Variants in RBM20 observed in about 807,000 individuals in gnomAD.
The protein encoded by RBM20 is RNA binding motif protein 20.
Under a neutral mutation model 110.1 loss-of-function variants are expected in RBM20, and 51 were observed. The observed-to-expected ratio is 0.46, with a 90% CI of 0.37 to 0.59. RBM20 has a LOEUF of 0.59. RBM20 is among the 20% of genes least tolerant of loss of function. The pLI is 0.00. For synonymous variants in RBM20, 589 were observed against 618.2 expected, an observed-to-expected ratio of 0.95 and a Z score of 0.70; for missense variants, 1,512 against 1,574.9, an observed-to-expected ratio of 0.96 and a Z score of 0.68.
At position 110,646,871 on chromosome 10, in the gene RBM20, A is replaced by C. The variant is rs927808511; in HGVS notation, c.191+2226A>C. Among the ~76,000 whole-genome samples the C allele has an allele frequency of 8.5e-5, 13 of 152,308 alleles. 1 individual carries two copies. In the South Asian group the frequency reaches 1.2e-3, roughly 15 times the overall value. On this transcript the variant is annotated intron_variant, in intron 1 of 13. Coordinates refer to ENST00000369519, the MANE Select transcript of RBM20 (RefSeq NM_001134363.3). ...AGTTGTCTGCCTGTTGATTTGGGGA[A>C]TTTTGTGAGCTACAGCTTTGGATGA...
chr10:110,681,466 T>G (rs779581124), intron 1 of RBM20, among the ~76,000 whole-genome samples: 11 of 152,220 alleles, frequency 7.2e-5, no homozygotes, highest in Non-Finnish European at 1.5e-4. Flanking sequence ...TGCTCTCTGC[T>G]AATCTTTTCT....
chr10:110,747,828 A>G (rs1272506950), intron 1 of RBM20, among the ~76,000 whole-genome samples: 1 of 132,750 alleles, frequency 7.5e-6, no homozygotes, highest in Non-Finnish European at 1.6e-5. Context: ...GAAAGAGAAA[A>G]CTTTTTAGAA....
intron 4 of RBM20, 99 bp from the exon 5 acceptor site, chr10:110,784,693 A>AG: frequency 1.2e-6 from 1 of 809,156 alleles, no homozygotes; most frequent in Non-Finnish European, 2.1e-6. Flanking sequence ...TAATATGTGA[A>AG]GGGGAAAGGT....
At chr10:110,823,219 C>G (rs1429683364) in intron 11 of RBM20, among the ~76,000 whole-genome samples, 1 of 152,122 alleles carries the variant, frequency 6.6e-6, no homozygotes, top group Admixed American at 6.5e-5. Context: ...AAGGCATCAG[C>G]AGCCCATCCC....
At chr10:110,731,653 C>CGCTTG (rs1554893811) in intron 1 of RBM20, among the ~76,000 whole-genome samples, 1 of 151,286 alleles carries the variant, frequency 6.6e-6, no homozygotes, top group South Asian at 2.1e-4. Context: ...TCATTTCTCC[C>CGCTTG]TCTTGTTATC....
At chr10:110,823,427 A>G in intron 11 of RBM20, 53 bp from the exon 12 acceptor site, 3 of 1,362,648 alleles carry the variant, frequency 2.2e-6, no homozygotes, top group South Asian at 2.8e-5. Context: ...GGCATGTTGT[A>G]TTTCTTTTTT....
At chr10:110,795,438 G>A (rs1844537998) in intron 5 of RBM20, among the ~76,000 whole-genome samples, 3 of 152,152 alleles carry the variant, frequency 2.0e-5, no homozygotes, top group South Asian at 2.1e-4. Flanking sequence ...GTGGGAGGTC[G>A]GAAAGAGGCA....
chr10:110,720,714 C>T (rs1418990588), intron 1 of RBM20, among the ~76,000 whole-genome samples: 1 of 150,240 alleles, frequency 6.7e-6, no homozygotes, highest in Admixed American at 6.6e-5. Flanking sequence ...CTGCAGCCTG[C>T]TCTCCTAACC....
In RBM20 at chr10:110,644,928, T is replaced by C. The variant is rs138224537; in HGVS notation, c.191+283T>C. Among the ~76,000 whole-genome samples the C allele has an allele frequency of 2.6e-4, 40 of 152,258 alleles. No individual in the cohort carries two copies. The highest frequency in any genetic ancestry group is 6.7e-4 in the African/African-American group (28 of 41,550). ...ATATTTTGAACTAAAATAGCTCAGATTGGGGGGAAATGGCCCAGCGACTGT... is the reference window on the plus strand; with the variant it reads ...ATATTTTGAACTAAAATAGCTCAGACTGGGGGGAAATGGCCCAGCGACTGT... On this transcript the variant is annotated intron_variant, in intron 1 of 13. Transcript: ENST00000369519. The surrounding 1 kb of genome is among the most constrained non-coding windows in gnomAD (Gnocchi z 4.3).
At chr10:110,818,300 A>AAAC (rs936136894) in intron 9 of RBM20, among the ~76,000 whole-genome samples, 2 of 151,166 alleles carry the variant, frequency 1.3e-5, no homozygotes, top group Admixed American at 6.6e-5. Context: ...TCAAAAAAAA[A>AAAC]AAAAAAACCA....
At chr10:110,833,721 G>A (rs774205424) in intron 13 of RBM20, among the ~76,000 whole-genome samples, 3 of 152,158 alleles carry the variant, frequency 2.0e-5, no homozygotes, top group Non-Finnish European at 2.9e-5. Context: ...TCCCCTCCCC[G>A]CAGCAGGCCA....
upstream of RBM20, chr10:110,644,266 C>A (rs377331212): frequency 6.8e-5 from 29 of 429,004 alleles, no homozygotes; most frequent in East Asian, 6.3e-4. This position sits in a 1 kb window ranked among gnomAD's most constrained non-coding sequence, Gnocchi z 4.3. Context: ...CCGGCCGGGA[C>A]GAGCTGGAGC....
At chr10:110,772,784 T>G (rs1254300053) in intron 1 of RBM20, among the ~76,000 whole-genome samples, 2 of 152,244 alleles carry the variant, frequency 1.3e-5, no homozygotes, top group East Asian at 3.8e-4. Context: ...TAGCTGAATT[T>G]GTGAGCAATG....
At chr10:110,647,468 A>G (rs1439699647) in intron 1 of RBM20, among the ~76,000 whole-genome samples, 1 of 152,186 alleles carries the variant, frequency 6.6e-6, no homozygotes, top group East Asian at 1.9e-4. Flanking sequence ...ATATTTTATA[A>G]GATTTTTATT....
In RBM20 at chr10:110,831,154, G is replaced by A. The variant is rs563762318; in HGVS notation, c.3545G>A (p.Arg1182His). 144 of 1,551,604 alleles carry A rather than the reference G, an allele frequency of 9.3e-5. No individual in the cohort carries two copies. The East Asian group carries it at 2.0e-3, about 21-fold the overall frequency. ...GAGACAGCAAAGATGAGCCACTGCC[G>A]CAGCGCTGTCCACTACAGGAACTTA... ...SEETAKMSHC[R>H]SAVHYRNLQK... The change falls in exon 13 of 14, where the codon CGC becomes CAC. Residue 1182 changes from arginine (R) to histidine (H), a missense_variant. Physicochemically the swap from Arg to His is conservative, Grantham distance 29 (BLOSUM62 0). This residue lies in a region of RBM20 where 358 missense variants were observed against 384.2 expected (regional missense o/e 0.93). Coordinates refer to ENST00000369519, the MANE Select transcript of RBM20 (RefSeq NM_001134363.3).
intron 1 of RBM20, among the ~76,000 whole-genome samples, chr10:110,691,438 C>T (rs902824960): frequency 2.4e-4 from 36 of 152,166 alleles, no homozygotes; most frequent in Non-Finnish European, 2.9e-5. Flanking sequence ...CTCAAACACA[C>T]TTGTTATTTT....
chr10:110,786,263 G>A (rs1004537813), intron 5 of RBM20, among the ~76,000 whole-genome samples: 1 of 152,252 alleles, frequency 6.6e-6, no homozygotes, highest in Non-Finnish European at 1.5e-5. Flanking sequence ...CTGTGCTTTT[G>A]TGGTGTGAGT....
In RBM20 at chr10:110,644,699, A is replaced by C; in HGVS notation, c.191+54A>C. The C allele has an allele frequency of 7.6e-7, 1 of 1,320,048 alleles. No homozygotes were observed. The highest frequency in any genetic ancestry group is 1.0e-6 in the Non-Finnish European group (1 of 1,003,706). The allele number at this position is 1,320,048 out of a possible 1,614,324, so 81.8% of individuals were successfully genotyped here. A position where few individuals can be genotyped will look rare whatever the true frequency, so the allele number is the denominator to read the frequency against. ...CGGGTGCGCCTGGGGACACGCCCCG[A>C]GAGCCCCCTTTGTGGCTTCATTTCC... On this transcript the variant is annotated intron_variant, in intron 1 of 13. Coordinates refer to ENST00000369519, the MANE Select transcript of RBM20 (RefSeq NM_001134363.3). This position sits in a 1 kb window ranked among gnomAD's most constrained non-coding sequence, Gnocchi z 4.3.
At chr10:110,668,651 C>T (rs142981169) in intron 1 of RBM20, among the ~76,000 whole-genome samples, 2 of 151,984 alleles carry the variant, frequency 1.3e-5, no homozygotes, top group Non-Finnish European at 2.9e-5. Context: ...AGAGAGTTTG[C>T]GATGAGTGAT....
Sources: allele counts gnomAD v4.1 joint callset (sites outside exome capture counted in the v4.1 genomes callset), GRCh38; gene constraint gnomAD v4.1.1; regional missense constraint gnomAD v4.1.1; non-coding constraint Gnocchi (gnomAD v3.1); transcripts MANE v1.5; gene names NCBI Gene and HGNC (gene_info 2026-07-23, HGNC 2026-07-21).